LTBP1: variants seen among roughly 807,000 people sequenced by gnomAD.
LTBP1 encodes latent-transforming growth factor beta-binding protein 1.
In LTBP1, 129 loss-of-function variants were observed where a neutral mutation model predicts 207.6. The observed-to-expected ratio is 0.62, with a 90% CI of 0.54 to 0.72. The LOEUF (loss-of-function observed/expected upper bound fraction) is 0.72, where lower values mean the gene tolerates loss of function less well. Among genes scored for constraint, LTBP1 ranks in the 30% least tolerant of loss-of-function variants. LTBP1 has a pLI of 0.00. For synonymous variants in LTBP1, 963 were observed against 833.7 expected, an observed-to-expected ratio of 1.16 and a Z score of -2.67; for missense variants, 2,281 against 2,217.2, an observed-to-expected ratio of 1.03 and a Z score of -0.58.
chr2:33,103,344 T>C (rs2079851966), intron 3 of LTBP1, among the ~76,000 whole-genome samples: 1 of 152,234 alleles, frequency 6.6e-6, no homozygotes, highest in Non-Finnish European at 1.5e-5. Context: ...ATTGTCTGTA[T>C]GCATAGCCTG....
rs115760816 is a variant in LTBP1 at position 33,260,105 on chromosome 2, A to G, written c.2418+495A>G. Among the ~76,000 whole-genome samples the G allele has an allele frequency of 6.9e-3, 1,052 of 152,282 alleles. 13 individuals carry two copies. The highest frequency in any genetic ancestry group is 0.024 in the African/African-American group (993 of 41,570). ...TTAAAAGTTACAATCAAATACTAGA[A>G]TGTTGCTTTTTGAAAAGTCAGTCTA... On this transcript the variant is annotated intron_variant, in intron 13 of 33. Coordinates refer to ENST00000404816, the MANE Select transcript of LTBP1 (RefSeq NM_206943.4).
intron 7 of LTBP1, among the ~76,000 whole-genome samples, chr2:33,214,346 T>C (rs542369097): frequency 9.2e-5 from 14 of 152,308 alleles, no homozygotes; most frequent in African/African-American, 2.9e-4. Flanking sequence ...TCAAGGAGTA[T>C]GGAAACTACC....
chr2:33,307,035 C>T (rs2149107506), intron 22 of LTBP1, among the ~76,000 whole-genome samples: 1 of 152,222 alleles, frequency 6.6e-6, no homozygotes, highest in East Asian at 1.9e-4. Flanking sequence ...TTGCAGTGAG[C>T]CGAGATACAC....
At chr2:33,321,380 G>C (rs1448790891) in intron 24 of LTBP1, among the ~76,000 whole-genome samples, 1 of 152,204 alleles carries the variant, frequency 6.6e-6, no homozygotes, top group South Asian at 2.1e-4. Context: ...TGTACTGAAA[G>C]TAGTGATATC....
At chr2:33,133,811 A>T (rs1009504912) in intron 4 of LTBP1, among the ~76,000 whole-genome samples, 1 of 152,190 alleles carries the variant, frequency 6.6e-6, no homozygotes, top group Non-Finnish European at 1.5e-5. Context: ...GCCAGTTTCA[A>T]TTCTCTCAAG....
rs1337503403 is a variant in LTBP1 at position 33,363,527 on chromosome 2, T to C, written c.4399+9T>C. ...GAAACTGCAGTGCTTTGGTAAGCTT[T>C]AGGGGGATATAGTATGGTGTACTGT... On this transcript the variant is annotated intron_variant, in intron 29 of 33. Transcript: ENST00000404816. The C allele has an allele frequency of 6.2e-7, 1 of 1,613,504 alleles. No homozygotes were observed. The highest frequency in any genetic ancestry group is 2.2e-5 in the East Asian group (1 of 44,852).
At chr2:32,998,013 C>A (rs1393363623) in intron 2 of LTBP1, among the ~76,000 whole-genome samples, 1 of 152,150 alleles carries the variant, frequency 6.6e-6, no homozygotes, top group Non-Finnish European at 1.5e-5. Flanking sequence ...AGTTTGTTAT[C>A]AGTACCAGAA....
At chr2:33,165,143 A>C (rs1273974345) in intron 5 of LTBP1, among the ~76,000 whole-genome samples, 1 of 152,210 alleles carries the variant, frequency 6.6e-6, no homozygotes, top group Non-Finnish European at 1.5e-5. Context: ...TCTGTAGGGA[A>C]GTGAACTGAT....
At chr2:33,048,563 T>C (rs2076564030) in intron 3 of LTBP1, among the ~76,000 whole-genome samples, 1 of 152,224 alleles carries the variant, frequency 6.6e-6, no homozygotes, top group Admixed American at 6.5e-5. Context: ...ATGTTGTACT[T>C]ATGTTTACTT....
intron 3 of LTBP1, among the ~76,000 whole-genome samples, chr2:33,100,269 A>G (rs546329004): frequency 3.3e-5 from 5 of 152,306 alleles, no homozygotes; most frequent in African/African-American, 1.2e-4. Context: ...GTAAAAATGA[A>G]GTTGATAACA....
At chr2:33,290,682 G>A (rs1364889606) in intron 19 of LTBP1, among the ~76,000 whole-genome samples, 1 of 152,192 alleles carries the variant, frequency 6.6e-6, no homozygotes, top group Non-Finnish European at 1.5e-5. Flanking sequence ...ACAATGTGAG[G>A]AAAGAGGGAG....
At chr2:33,323,352 A>T (rs2149364359) in intron 24 of LTBP1, among the ~76,000 whole-genome samples, 2 of 152,328 alleles carry the variant, frequency 1.3e-5, no homozygotes, top group East Asian at 1.9e-4. Context: ...AAGTAAAAAA[A>T]TCGACTAGGC....
intron 4 of LTBP1, among the ~76,000 whole-genome samples, chr2:33,132,495 T>C (rs949985926): frequency 3.9e-5 from 6 of 152,230 alleles, no homozygotes; most frequent in African/African-American, 9.6e-5. Flanking sequence ...TCCACAGAGT[T>C]GAATAGGAAT....
intron 2 of LTBP1, among the ~76,000 whole-genome samples, chr2:33,017,486 G>A (rs1454557298): frequency 2.6e-5 from 4 of 152,192 alleles, no homozygotes; most frequent in Admixed American, 2.6e-4. Flanking sequence ...GGATGATACT[G>A]CCGGCCTGGG....
intron 31 of LTBP1, among the ~76,000 whole-genome samples, chr2:33,366,465 A>G (rs1017322702): frequency 1.9e-4 from 29 of 152,254 alleles, no homozygotes; most frequent in Non-Finnish European, 4.4e-5. Context: ...CTTAAAACCA[A>G]CGTAGCATGA....
intron 11 of LTBP1, among the ~76,000 whole-genome samples, chr2:33,256,724 CTATATATATATATATATATATATATATA>C (rs10529995): frequency 3.3e-4 from 23 of 68,832 alleles, no homozygotes; most frequent in South Asian, 8.1e-4. Context: ...GGAGGGCTAA[CTATATATATATATATATATATATATATA>C]TATATATATA....
chr2:33,311,262 C>G (rs2094183118), intron 23 of LTBP1, among the ~76,000 whole-genome samples: 1 of 152,046 alleles, frequency 6.6e-6, no homozygotes, highest in Non-Finnish European at 1.5e-5. Flanking sequence ...AAATATACAC[C>G]TTCCTGCACT....
At chr2:33,119,418 G>A (rs916840263) in intron 4 of LTBP1, among the ~76,000 whole-genome samples, 1 of 152,172 alleles carries the variant, frequency 6.6e-6, no homozygotes, top group Non-Finnish European at 1.5e-5. Flanking sequence ...CTCATGAGAT[G>A]TTTCCCAGGG....
intron 2 of LTBP1, among the ~76,000 whole-genome samples, chr2:33,018,244 C>T (rs1291059313): frequency 1.3e-5 from 2 of 151,560 alleles, no homozygotes; most frequent in East Asian, 1.9e-4. Flanking sequence ...GCTAACCATC[C>T]ATGTCTTCCT....
Sources: allele counts gnomAD v4.1 joint callset (sites outside exome capture counted in the v4.1 genomes callset), GRCh38; gene constraint gnomAD v4.1.1; transcripts MANE v1.5; gene names NCBI Gene and HGNC (gene_info 2026-07-23, HGNC 2026-07-21).